Variants in OPN4 observed in about 807,000 individuals in gnomAD.
OPN4 encodes the protein opsin 4, also known as melanopsin.
OPN4 carries 43 observed loss-of-function variants against 49.5 expected under a neutral mutation model. That is an observed-to-expected ratio of 0.87 (90% confidence interval 0.68 to 1.12). The LOEUF is 1.12. OPN4 is among the 50% of genes most tolerant of loss of function. The pLI is 0.00. For missense variants in OPN4, 657 were observed against 643.9 expected, an observed-to-expected ratio of 1.02 and a Z score of -0.22; for synonymous variants, 263 against 258.0, an observed-to-expected ratio of 1.02 and a Z score of -0.19.
chr10:86,663,313 C>CT (rs1203232511), intron 8 of OPN4, among the ~76,000 whole-genome samples: 3 of 152,194 alleles, frequency 2.0e-5, no homozygotes, highest in African/African-American at 7.2e-5. Context: ...GAGGTCCCTC[C>CT]TGTAAACCAC....
rs577586004 is a variant in OPN4, at chr10:86,662,971, C to T, written c.1254+539C>T. Among the ~76,000 whole-genome samples the T allele has an allele frequency of 4.6e-5, 7 of 152,362 alleles. No homozygotes were observed. In the East Asian group the frequency reaches 9.6e-4, roughly 21 times the overall value. ...GTCACTTACTCCCTCTGAGGCTCCACGTCCTCCTCTGAAAGGGAAAAGAGG... is the reference window on the plus strand; with the variant it reads ...GTCACTTACTCCCTCTGAGGCTCCATGTCCTCCTCTGAAAGGGAAAAGAGG... On this transcript the variant is annotated intron_variant, in intron 8 of 9. Transcript: ENST00000241891.
Position 86,659,458 on chromosome 10 carries a change from G to A in OPN4, c.790G>A (p.Glu264Lys), listed in dbSNP as rs754420817. The A allele has an allele frequency of 1.9e-6, 3 of 1,613,930 alleles. No individual in the cohort carries two copies. Among genetic ancestry groups the A allele is most frequent in the African/African-American group, 1.3e-5 (1 of 75,066 alleles). The part of the protein sequence containing the change: ...CYIFIFRAIR[E>K]TGRALQTFGA... ...CATCTTCATCTTCAGGGCCATCCGG[G>A]AGACAGGACGGTAAGAGCCGAGCAT... The change falls in exon 5 of 10, where the codon GAG becomes AAG. Residue 264 changes from glutamate (E) to lysine (K), a missense_variant. Coordinates refer to ENST00000241891, the MANE Select transcript of OPN4 (RefSeq NM_033282.4).
chr10:86,663,363 G>T (rs769900200), intron 8 of OPN4, among the ~76,000 whole-genome samples: 3 of 152,148 alleles, frequency 2.0e-5, no homozygotes, highest in Non-Finnish European at 4.4e-5. Flanking sequence ...TGTTATTGGA[G>T]GCCTAGACCC....
At chr10:86,663,926 T>G (rs1253596714) in intron 9 of OPN4, 124 bp downstream of exon 9, 16 of 1,195,506 alleles carry the variant, frequency 1.3e-5, no homozygotes, top group Non-Finnish European at 9.2e-6. Context: ...AGGAATCACC[T>G]GCTCCCAGCA....
intron 1 of OPN4, among the ~76,000 whole-genome samples, 182 bp downstream of exon 1, chr10:86,655,109 G>T (rs1843834552): frequency 1.3e-5 from 2 of 152,244 alleles, no homozygotes; most frequent in African/African-American, 4.8e-5. Flanking sequence ...AGAGGAGGGT[G>T]CAGGCAATGT....
rs778050275 is a variant in OPN4, at chr10:86,656,309, T to C, written c.290+9T>C. 1 of 1,588,314 alleles carries C rather than the reference T, an allele frequency of 6.3e-7. No individual in the cohort carries two copies. Among genetic ancestry groups the C allele is most frequent in the South Asian group, 1.2e-5 (1 of 86,762 alleles). The stretch of plus-strand genomic sequence containing the variant: ...ATCTATACCTTCTGCAGGTGCCTGG[T>C]TGGTGGTGCTGGGCCCAGGGCACTG... On this transcript the variant is annotated intron_variant, in intron 2 of 9. Transcript: ENST00000241891.
Position 86,658,779 on chromosome 10 carries a change from G to A in OPN4, c.628+92G>A, listed in dbSNP as rs34975054. 212 of 1,376,126 alleles carry A rather than the reference G, an allele frequency of 1.5e-4. No individual in the cohort carries two copies. In the African/African-American group the frequency reaches 1.7e-3, roughly 11 times the overall value. 85.2% of individuals were successfully genotyped at this position (1,376,126 alleles called of 1,614,324 possible). ...GGTGGACTTGGGTCAGCCAGCTGGC[G>A]GGAGCAGGGTGCCCAGGAGCTACCT... is the stretch of plus-strand genomic sequence containing the variant. On this transcript the variant is annotated intron_variant, in intron 4 of 9. Coordinates refer to ENST00000241891, the MANE Select transcript of OPN4 (RefSeq NM_033282.4).
intron 4 of OPN4, 91 bp from the exon 5 acceptor site, chr10:86,659,206 G>A (rs960001987): frequency 1.5e-5 from 15 of 1,018,314 alleles, no homozygotes; most frequent in Non-Finnish European, 2.1e-5. Context: ...GGCTGTGTAT[G>A]GGGACCCGAA....
intron 2 of OPN4, among the ~76,000 whole-genome samples, chr10:86,657,535 C>T (rs113837105): frequency 2.6e-5 from 4 of 151,912 alleles, no homozygotes; most frequent in South Asian, 4.2e-4. Context: ...GGGGGACCCG[C>T]GGAGGAGGGA....
At chr10:86,665,637 T>A (rs1844145638) in intron 9 of OPN4, 76 bp from the exon 10 acceptor site, 2 of 1,222,510 alleles carry the variant, frequency 1.6e-6, no homozygotes, top group African/African-American at 3.0e-5. Context: ...GGTGACCCAG[T>A]GTGTGGAGGG....
chr10:86,662,323 AC>A lies in OPN4; in HGVS notation c.1149del (p.Ser384AlafsTer10), dbSNP rs1385393863. 1.2e-6 allele frequency: 2 copies of A among 1,602,082 alleles called. No individual in the cohort carries two copies. The highest frequency in any genetic ancestry group is 3.4e-5 in the Admixed American group (2 of 58,538). On this transcript the variant is annotated frameshift_variant, in exon 8 of 10. Transcript: ENST00000241891. LOFTEE classifies it high-confidence loss of function. ...GTATCACGCCGGCACAGTCGCCCCT[AC>A]CCCAGCTACCGCTCCACCCACCGCT... ...LGVSRRHSRPYPSYRSTHRST... is the reference protein window; with the variant it reads ...LGVSRRHSRPXPSYRSTHRST...
At chr10:86,657,990 A>G in intron 2 of OPN4, 42 bp from the exon 3 acceptor site, 11 of 1,599,320 alleles carry the variant, frequency 6.9e-6, no homozygotes, top group Non-Finnish European at 9.4e-6. Flanking sequence ...ATAGCTCTGG[A>G]GGTGTCAGGA....
chr10:86,657,206 G>T (rs7901458), intron 2 of OPN4: 1 of 780,620 alleles, frequency 1.3e-6, no homozygotes, highest in Non-Finnish European at 2.4e-6. Context: ...GCTGTGCTTC[G>T]TGGAGTCACT....
intron 6 of OPN4, 66 bp downstream of exon 6, chr10:86,660,125 C>A: frequency 6.4e-7 from 1 of 1,564,450 alleles, no homozygotes. Flanking sequence ...GAAGCCTGGC[C>A]AGCCTCTCCT....
At chr10:86,657,352 G>T in intron 2 of OPN4, 1 of 696,910 alleles carries the variant, frequency 1.4e-6, no homozygotes, top group South Asian at 1.6e-5. Flanking sequence ...CCTCCCTCAG[G>T]GTAGATGCAA....
chr10:86,661,062 G>A (rs572787739), intron 6 of OPN4, among the ~76,000 whole-genome samples: 5 of 152,268 alleles, frequency 3.3e-5, no homozygotes, highest in Admixed American at 2.6e-4. Flanking sequence ...AGGAAGCAGA[G>A]GTTGCAGTGA....
chr10:86,654,737 GC>G lies in OPN4; in HGVS notation c.-44del, dbSNP rs532913135. 1.6e-4 allele frequency: 256 copies of G among 1,581,880 alleles called. No homozygotes were observed. In the African/African-American group the frequency reaches 3.1e-3, roughly 19 times the overall value. On this transcript the variant is annotated 5_prime_UTR_variant, in exon 1 of 10. Coordinates refer to ENST00000241891, the MANE Select transcript of OPN4 (RefSeq NM_033282.4). ...ACAGCTGAAGTCCTGAGCTCCCTGT[GC>G]CCTTGACTTCTCTGTGGGCTCGAGC... is the stretch of plus-strand genomic sequence containing the variant.
Position 86,666,061 on chromosome 10 carries a change from G to T in OPN4, c.*310G>T, listed in dbSNP as rs938558468. 13 of 415,386 alleles carry T rather than the reference G, an allele frequency of 3.1e-5. No individual in the cohort carries two copies. Among genetic ancestry groups the T allele is most frequent in the Non-Finnish European group, 4.8e-5 (11 of 231,268 alleles). 25.7% of individuals were successfully genotyped at this position (415,386 alleles called of 1,614,324 possible). ...TCCTCAAATGCTGTGTGCTGCAATT[G>T]TCCAGGCGATGACAATGGTGATGGC... On this transcript the variant is annotated 3_prime_UTR_variant, in exon 10 of 10. Coordinates refer to ENST00000241891, the MANE Select transcript of OPN4 (RefSeq NM_033282.4).
At position 86,659,359 on chromosome 10, in the gene OPN4, G is replaced by A. The variant is rs1439282360; in HGVS notation, c.691G>A (p.Ala231Thr). 2.1e-5 allele frequency: 34 copies of A among 1,613,808 alleles called. No homozygotes were observed. The highest frequency in any genetic ancestry group is 2.8e-5 in the Non-Finnish European group (33 of 1,180,034). Reference sequence around the variant, plus strand: ...CTGGGACTACATGAGCTTCACGCCGGCCGTGCGTGCCTACACCATGCTTCT... The same window carrying A: ...CTGGGACTACATGAGCTTCACGCCGACCGTGCGTGCCTACACCATGCTTCT... ...CSWDYMSFTP[A>T]VRAYTMLLCC... is the part of the protein sequence containing the mutation. The change falls in exon 5 of 10, where the codon GCC becomes ACC. Residue 231 changes from alanine (A) to threonine (T), a missense_variant. Transcript: ENST00000241891.
Sources: allele counts gnomAD v4.1 joint callset (sites outside exome capture counted in the v4.1 genomes callset), GRCh38; gene constraint gnomAD v4.1.1; transcripts MANE v1.5; gene names NCBI Gene and HGNC (gene_info 2026-07-23, HGNC 2026-07-21).